Variants in WSB1 observed in about 807,000 individuals in gnomAD.
The protein encoded by WSB1 is WD repeat and SOCS box-containing protein 1.
WSB1 carries 23 observed loss-of-function variants against 50.2 expected under a neutral mutation model. That is an observed-to-expected ratio of 0.46 (90% CI 0.33 to 0.65). The LOEUF (loss-of-function observed/expected upper bound fraction) is 0.65, where lower values mean the gene tolerates loss of function less well. Among genes scored for constraint, WSB1 ranks in the 30% least tolerant of loss-of-function variants. The pLI, the probability that WSB1 is intolerant of heterozygous loss-of-function variation, is 0.02. For synonymous variants in WSB1, 179 were observed against 172.0 expected, an observed-to-expected ratio of 1.04 and a Z score of -0.32; for missense variants, 492 against 522.3, an observed-to-expected ratio of 0.94 and a Z score of 0.56.
At chr17:27,303,992 G>A (rs148519672) in intron 3 of WSB1, among the ~76,000 whole-genome samples, 42 of 152,196 alleles carry the variant, frequency 2.8e-4, no homozygotes, top group African/African-American at 9.1e-4. Flanking sequence ...AGAGGTTTTC[G>A]AGGTAAATCA....
In WSB1 at chr17:27,312,228, G is replaced by T. The variant is rs1173151867; in HGVS notation, c.1125G>T (p.Val375=). The change falls in exon 9 of 9, where the codon GTG becomes GTT. Residue 375 remains valine, a synonymous_variant. Transcript: ENST00000262394. ...VLAAGTHDGS[V]YFWATPRQVP... is the part of the protein sequence containing the mutation. The stretch of plus-strand genomic sequence containing the variant: ...TGTTTAGGACACATGACGGAAGTGT[G>T]TATTTTTGGGCCACTCCACGGCAGG... The T allele has an allele frequency of 7.4e-6, 12 of 1,612,074 alleles. No homozygotes were observed. Among genetic ancestry groups the T allele is most frequent in the Non-Finnish European group, 8.5e-6 (10 of 1,179,578 alleles).
Position 27,315,844 on chromosome 17 carries a change from A to G in WSB1, c.*3475A>G, listed in dbSNP as rs1315196246. The G allele has an allele frequency of 1.3e-5, 2 of 152,236 alleles. No homozygotes were observed. Among genetic ancestry groups the G allele is most frequent in the Non-Finnish European group, 2.9e-5 (2 of 68,032 alleles). 9.4% of individuals were successfully genotyped at this position (152,236 alleles called of 1,614,324 possible). A position where few individuals can be genotyped will look rare whatever the true frequency, so the allele number is the denominator to read the frequency against. On this transcript the variant is annotated 3_prime_UTR_variant, in exon 9 of 9. Transcript: ENST00000262394. ...ATAGAAAAAGCATAAGTTGGAGTAT[A>G]CTGGGTTTTTTTGTTGTTGTTAAAT... is the stretch of plus-strand genomic sequence containing the variant.
In WSB1 at chr17:27,312,387, A is replaced by G; in HGVS notation, c.*18A>G. On this transcript the variant is annotated 3_prime_UTR_variant, in exon 9 of 9. Transcript: ENST00000262394. The stretch of plus-strand genomic sequence containing the variant: ...GTATTTAGAAGATTCTGCCTTCCCT[A>G]GTAGTAGGGACTGACAGAATACACT... The G allele has an allele frequency of 1.2e-6, 2 of 1,613,216 alleles. No homozygotes were observed. Among genetic ancestry groups the G allele is most frequent in the South Asian group, 1.1e-5 (1 of 90,916 alleles).
In WSB1 at chr17:27,300,400, T is replaced by C. The variant is rs574259604; in HGVS notation, c.41-1388T>C. Among the ~76,000 whole-genome samples the C allele has an allele frequency of 9.8e-5, 15 of 152,306 alleles. 1 individual carries two copies. The Middle Eastern group carries it at 0.01, about 104-fold the overall frequency. ...GTGATACACTGATAAAGAGGCTCCT[T>C]TCCCCAAATTGAGGAAATTGTAGCT... On this transcript the variant is annotated intron_variant, in intron 1 of 8. Coordinates refer to ENST00000262394, the MANE Select transcript of WSB1 (RefSeq NM_015626.10).
rs201880650 is a variant in WSB1 at position 27,294,423 on chromosome 17, G to A, written c.28G>A (p.Glu10Lys). 56 of 1,613,692 alleles carry A rather than the reference G, an allele frequency of 3.5e-5. No homozygotes were observed. Among genetic ancestry groups the A allele is most frequent in the African/African-American group, 2.0e-4 (15 of 74,932 alleles). Residue 10 changes from glutamate to lysine, a missense_variant, in exon 1 of 9, where the codon GAG (glutamate) becomes AAG (lysine). By Grantham distance (56) the Glu-to-Lys change is moderately conservative. Coordinates refer to ENST00000262394, the MANE Select transcript of WSB1 (RefSeq NM_015626.10). MASFPPRVN[E>K]KEIVRLRTIG... is the part of the protein sequence containing the mutation. ...GGCCAGCTTTCCCCCGAGGGTCAACGAGAAAGAGATCGGTGAGGATTGGGA... is the reference window on the plus strand; with the variant it reads ...GGCCAGCTTTCCCCCGAGGGTCAACAAGAAAGAGATCGGTGAGGATTGGGA...
chr17:27,311,601 G>A lies in WSB1; in HGVS notation c.1091G>A (p.Ser364Asn). The change falls in exon 8 of 9, where the codon AGT becomes AAT. Residue 364 changes from serine to asparagine, a missense_variant. Physicochemically the swap from Ser to Asn is conservative, Grantham distance 46. Coordinates refer to ENST00000262394, the MANE Select transcript of WSB1 (RefSeq NM_015626.10). ...GLCCAFSTDG[S>N]VLAAGTHDGS... Reference sequence around the variant, plus strand: ...TGCTGTGCCTTCTCTACTGATGGCAGTGTTTTAGCTGCTGGGTAAATATAT... The same window carrying A: ...TGCTGTGCCTTCTCTACTGATGGCAATGTTTTAGCTGCTGGGTAAATATAT... 1 of 1,172,828 alleles carries A rather than the reference G, an allele frequency of 8.5e-7. No homozygotes were observed. Among genetic ancestry groups the A allele is most frequent in the East Asian group, 2.6e-5 (1 of 38,386 alleles). 72.7% of individuals were successfully genotyped at this position (1,172,828 alleles called of 1,614,324 possible).
intron 1 of WSB1, among the ~76,000 whole-genome samples, chr17:27,296,298 A>C (rs2016977626): frequency 2.0e-5 from 3 of 151,592 alleles, no homozygotes; most frequent in Admixed American, 1.3e-4. Context: ...TACGTTATAA[A>C]AACTTACTAG....
At chr17:27,311,825 AG>A (rs1298380067) in intron 8 of WSB1, among the ~76,000 whole-genome samples, 1 of 151,524 alleles carries the variant, frequency 6.6e-6, no homozygotes, top group African/African-American at 2.4e-5. Flanking sequence ...TTTTTCCAGT[AG>A]GGTCGGGATT....
intron 7 of WSB1, 86 bp from the exon 8 acceptor site, chr17:27,311,423 T>C: frequency 9.9e-7 from 1 of 1,007,932 alleles, no homozygotes; most frequent in Non-Finnish European, 1.5e-6. Context: ...GACTCATAAC[T>C]CAATGGCATT....
intron 1 of WSB1, among the ~76,000 whole-genome samples, chr17:27,297,753 A>G (rs1228897688): frequency 6.6e-6 from 1 of 152,004 alleles, no homozygotes; most frequent in Non-Finnish European, 1.5e-5. Flanking sequence ...TCCTATTACC[A>G]CTATACACAA....
chr17:27,298,000 T>C (rs981118142), intron 1 of WSB1, among the ~76,000 whole-genome samples: 5 of 151,824 alleles, frequency 3.3e-5, no homozygotes, highest in Admixed American at 3.3e-4. Context: ...GGTGCATACC[T>C]GTAATCTAAG....
chr17:27,303,374 C>T lies in WSB1; in HGVS notation c.217C>T (p.His73Tyr), dbSNP rs746215471. The change falls in exon 3 of 9, where the codon CAT (histidine) becomes TAT (tyrosine). Residue 73 changes from histidine (H) to tyrosine (Y), a missense_variant. Physicochemically the swap from His to Tyr is moderately conservative, Grantham distance 83. Transcript: ENST00000262394. ...TGACTTCCCCCACTCCAGTCTCTTGCATGGCACCAAGAATGTTACCAATTC... is the reference window on the plus strand; with the variant it reads ...TGACTTCCCCCACTCCAGTCTCTTGTATGGCACCAAGAATGTTACCAATTC... The part of the protein sequence containing the change: ...WSQCLQNFLL[H>Y]GTKNVTNSSS... 6.2e-7 allele frequency: 1 copy of T among 1,613,810 alleles called. No individual in the cohort carries two copies. The highest frequency in any genetic ancestry group is 8.5e-7 in the Non-Finnish European group (1 of 1,179,928).
At chr17:27,301,053 G>A (rs1027889280) in intron 1 of WSB1, among the ~76,000 whole-genome samples, 1 of 152,066 alleles carries the variant, frequency 6.6e-6, no homozygotes, top group Non-Finnish European at 1.5e-5. Flanking sequence ...TGTATTTTTA[G>A]TAGAGACAGG....
In WSB1 at chr17:27,306,963, T is replaced by C. The variant is rs560956283; in HGVS notation, c.711+81T>C. 7.3e-4 allele frequency: 998 copies of C among 1,363,332 alleles called. 12 individuals carry two copies. In the South Asian group the frequency reaches 0.012, roughly 16 times the overall value. The allele number at this position is 1,363,332 out of a possible 1,614,324, so 84.5% of individuals were successfully genotyped here. ...ATAATCATTTTAAATCTAAGTAACC[T>C]ATGAAGTCTGTGCTCGGTGTCATGA... On this transcript the variant is annotated intron_variant, in intron 5 of 8. Transcript: ENST00000262394.
At chr17:27,310,710 T>G (rs542558221) in intron 7 of WSB1, among the ~76,000 whole-genome samples, 1 of 150,526 alleles carries the variant, frequency 6.6e-6, no homozygotes, top group Non-Finnish European at 1.5e-5. Flanking sequence ...AGCAAACATA[T>G]GGAGAGAGGT....
At chr17:27,297,889 C>T (rs1394625616) in intron 1 of WSB1, among the ~76,000 whole-genome samples, 1 of 151,934 alleles carries the variant, frequency 6.6e-6, no homozygotes, top group African/African-American at 2.4e-5. Context: ...GGGCAGATCA[C>T]CTGAGGTCAG....
intron 5 of WSB1, 132 bp downstream of exon 5, chr17:27,307,014 T>C (rs2017490658): frequency 1.2e-6 from 1 of 813,054 alleles, no homozygotes; most frequent in Non-Finnish European, 1.9e-6. Context: ...TATTTCATGA[T>C]GGGGGAGAAT....
At chr17:27,306,204 T>TC (rs1433100830) in intron 4 of WSB1, among the ~76,000 whole-genome samples, 1 of 97,984 alleles carries the variant, frequency 1.0e-5, no homozygotes, top group Non-Finnish European at 1.9e-5. Context: ...AATTCTGTCT[T>TC]TTTTTTTTTT....
rs773999196 is a variant in WSB1, at chr17:27,309,234, C to G, written c.846C>G (p.Ile282Met). The change falls in exon 6 of 9, where the codon ATC becomes ATG. Residue 282 changes from isoleucine (I) to methionine (M), a missense_variant. Transcript: ENST00000262394. ...CATCTTATGATACTCGAGTATATAT[C>G]TGGGATCCACATAATGGAGACATTC... The part of the protein sequence containing the change: ...ATASYDTRVY[I>M]WDPHNGDILM... 6.8e-6 allele frequency: 11 copies of G among 1,611,164 alleles called. No individual in the cohort carries two copies. The South Asian group carries it at 1.1e-4, about 16-fold the overall frequency.
Sources: allele counts gnomAD v4.1 joint callset (sites outside exome capture counted in the v4.1 genomes callset), GRCh38; gene constraint gnomAD v4.1.1; transcripts MANE v1.5; gene names NCBI Gene and HGNC (gene_info 2026-07-23, HGNC 2026-07-21).